PTK2: variants seen among roughly 807,000 people sequenced by gnomAD.
The protein encoded by PTK2 is focal adhesion kinase 1.
Under a neutral mutation model 150.1 loss-of-function variants are expected in PTK2, and 45 were observed. The observed-to-expected ratio is 0.30, with a 90% CI of 0.24 to 0.38. PTK2 has a LOEUF of 0.38. PTK2 is among the 10% of genes least tolerant of loss of function. The pLI is 1.00. For missense variants in PTK2, 919 were observed against 1,307.3 expected (o/e 0.70, Z 4.58); for synonymous variants, 432 against 449.2 (o/e 0.96, Z 0.48).
At chr8:140,783,324 ATTAC>A (rs1339222459) in intron 14 of PTK2, among the ~76,000 whole-genome samples, 1 of 152,174 alleles carries the variant, frequency 6.6e-6, no homozygotes, top group Admixed American at 6.5e-5. Context: ...CCATCAGGCT[ATTAC>A]TTACTAGCTA....
intron 8 of PTK2, among the ~76,000 whole-genome samples, chr8:140,826,161 C>T (rs545206489): frequency 6.6e-6 from 1 of 152,076 alleles, no homozygotes; most frequent in Non-Finnish European, 1.5e-5. Flanking sequence ...TATGGAAAAG[C>T]CAATGTTAAC....
intron 27 of PTK2, 118 bp from the exon 31 acceptor site, chr8:140,675,617 A>G: frequency 1.3e-6 from 1 of 761,984 alleles, no homozygotes. Flanking sequence ...AGTGTATCAA[A>G]ATGAACAAAA....
In PTK2 at chr8:140,793,393, A is replaced by C. The variant is rs199542483; in HGVS notation, c.1094-9T>G. The C allele has an allele frequency of 2.5e-6, 4 of 1,608,558 alleles. No homozygotes were observed. The Admixed American group carries it at 6.8e-5, about 27-fold the overall frequency. On this transcript the variant is annotated splice_polypyrimidine_tract_variant and intron_variant, in intron 12 of 31. Transcript: ENST00000522684. The stretch of plus-strand genomic sequence containing the variant: ...CAAAGCCCGTTCACCTTCTGCGGGG[A>C]AAAAGAAAAGAGATGCATAAGGCTC...
chr8:140,730,336 A>G (rs928821781), intron 22 of PTK2, among the ~76,000 whole-genome samples: 1 of 152,270 alleles, frequency 6.6e-6, no homozygotes, highest in African/African-American at 2.4e-5. Flanking sequence ...GGAACACTAT[A>G]TAACAATGAG....
intron 1 of PTK2, among the ~76,000 whole-genome samples, chr8:140,983,588 TTATG>T (rs1415000340): frequency 6.6e-6 from 1 of 151,916 alleles, no homozygotes; most frequent in Non-Finnish European, 1.5e-5. Context: ...CTGCCAGTCT[TTATG>T]AAGACGGATG....
At chr8:140,803,398 T>C (rs775457952) in intron 11 of PTK2, 145 bp downstream of exon 11, 3 of 685,500 alleles carry the variant, frequency 4.4e-6, no homozygotes, top group Non-Finnish European at 7.7e-6. Flanking sequence ...ATCATTATTG[T>C]TTCTAATGTA....
rs778297873 is a variant in PTK2 at position 140,793,335 on chromosome 8, C to A, written c.1124+19G>T. On this transcript the variant is annotated intron_variant, in intron 13 of 31. Coordinates refer to ENST00000522684, the Ensembl canonical transcript of PTK2. ...TTTCCAACAAAACAAAATAACAGTA[C>A]AAAAAAAGCAGTACTTACTTTGGTA... 41 of 1,597,762 alleles carry A rather than the reference C, an allele frequency of 2.6e-5. No homozygotes were observed. Among genetic ancestry groups the A allele is most frequent in the Non-Finnish European group, 1.5e-5 (18 of 1,175,170 alleles).
intron 1 of PTK2, among the ~76,000 whole-genome samples, chr8:140,941,466 T>G (rs2100175728): frequency 6.6e-6 from 1 of 152,238 alleles, no homozygotes; most frequent in Non-Finnish European, 1.5e-5. Context: ...GTAATGCACC[T>G]TATTCTATCA....
In PTK2 at chr8:140,800,578, TA is replaced by T. The variant is rs770225794; in HGVS notation, c.976-3del. On this transcript the variant is annotated splice_polypyrimidine_tract_variant and splice_region_variant and intron_variant, in intron 11 of 31. Transcript: ENST00000522684. ...GGATGGTGCCGTCACTGTCAGAGGC[TA>T]ACGGAGAAAAGATCAAGAAAACAGA... 6.2e-7 allele frequency: 1 copy of T among 1,608,830 alleles called. No individual in the cohort carries two copies. The highest frequency in any genetic ancestry group is 8.5e-7 in the Non-Finnish European group (1 of 1,175,418).
At chr8:140,724,348 C>T (rs1336683236) in intron 22 of PTK2, among the ~76,000 whole-genome samples, 1 of 152,172 alleles carries the variant, frequency 6.6e-6, no homozygotes, top group African/African-American at 2.4e-5. Context: ...TAGGAAAGAA[C>T]TGTGTTTTTG....
At chr8:140,998,372 A>T (rs907778499) in intron 1 of PTK2, among the ~76,000 whole-genome samples, 1 of 152,252 alleles carries the variant, frequency 6.6e-6, no homozygotes, top group Non-Finnish European at 1.5e-5. Flanking sequence ...CATAACCTTT[A>T]GAGATATGAA....
chr8:140,694,515 G>A (rs2100025304), intron 26 of PTK2, among the ~76,000 whole-genome samples: 1 of 152,112 alleles, frequency 6.6e-6, no homozygotes. Context: ...GCCCTTCCAT[G>A]CAGTCTGAGA....
chr8:140,851,548 C>A (rs567997942), intron 5 of PTK2, among the ~76,000 whole-genome samples: 1 of 152,108 alleles, frequency 6.6e-6, no homozygotes, highest in Admixed American at 6.5e-5. Flanking sequence ...GGTTAAGTAA[C>A]CCCAAATTTT....
At chr8:140,982,952 T>C (rs1466101949) in intron 1 of PTK2, among the ~76,000 whole-genome samples, 1 of 152,238 alleles carries the variant, frequency 6.6e-6, no homozygotes, top group East Asian at 1.9e-4. Context: ...TTTGTATTTT[T>C]AGTTATTAAA....
intron 8 of PTK2, among the ~76,000 whole-genome samples, chr8:140,829,828 G>A (rs1474023489): frequency 1.3e-5 from 2 of 152,094 alleles, no homozygotes; most frequent in Non-Finnish European, 2.9e-5. Flanking sequence ...AAATGGCAGA[G>A]CTCATCTGAG....
At chr8:140,693,279 C>A (rs116226996) in intron 26 of PTK2, among the ~76,000 whole-genome samples, 1 of 151,850 alleles carries the variant, frequency 6.6e-6, no homozygotes, top group Non-Finnish European at 1.5e-5. Context: ...TGGGGCCAGG[C>A]GTGGTGACTC....
rs1555038109 is a variant in PTK2, at chr8:140,793,398, GAA to G, written c.1094-16_1094-15del. 3.7e-6 allele frequency: 6 copies of G among 1,608,492 alleles called. No individual in the cohort carries two copies. Among genetic ancestry groups the G allele is most frequent in the Non-Finnish European group, 5.1e-6 (6 of 1,178,436 alleles). The stretch of plus-strand genomic sequence containing the variant: ...CCCGTTCACCTTCTGCGGGGAAAAA[GAA>G]AAGAGATGCATAAGGCTCTTTTCAC... On this transcript the variant is annotated splice_polypyrimidine_tract_variant and intron_variant, in intron 12 of 31. Transcript: ENST00000522684.
chr8:140,831,081 T>C (rs557712955), intron 7 of PTK2, among the ~76,000 whole-genome samples: 2 of 152,298 alleles, frequency 1.3e-5, no homozygotes, highest in Admixed American at 1.3e-4. Context: ...ACAGATAAAT[T>C]TATGCCCTAG....
intron 26 of PTK2, among the ~76,000 whole-genome samples, chr8:140,693,141 G>A (rs950359934): frequency 5.3e-5 from 8 of 152,066 alleles, no homozygotes; most frequent in Non-Finnish European, 2.9e-5. Context: ...TCAACCAACT[G>A]AGGTTCTAAC....
Sources: allele counts gnomAD v4.1 joint callset (sites outside exome capture counted in the v4.1 genomes callset), GRCh38; gene constraint gnomAD v4.1.1; transcripts MANE v1.5; gene names NCBI Gene and HGNC (gene_info 2026-07-23, HGNC 2026-07-21).